Variants in LRRIQ1 observed in about 807,000 individuals in gnomAD.
The protein encoded by LRRIQ1 is leucine rich repeats and IQ motif containing 1, also known as leucine-rich repeat- and IQ domain-containing protein 1.
LRRIQ1 carries 210 observed loss-of-function variants against 211.9 expected under a neutral mutation model. The observed-to-expected ratio is 0.99, with a 90% CI of 0.89 to 1.11. The LOEUF is 1.11. Ranked by LOEUF, LRRIQ1 falls within the 50% of genes most tolerant of loss-of-function variation. LRRIQ1 has a pLI of 0.00. For missense variants in LRRIQ1, 2,136 were observed against 1,939.5 expected, an observed-to-expected ratio of 1.10 and a Z score of -1.90; for synonymous variants, 699 against 650.1, an observed-to-expected ratio of 1.08 and a Z score of -1.14.
chr12:85,109,702 G>C (rs1277349048), intron 15 of LRRIQ1, among the ~76,000 whole-genome samples: 1 of 152,078 alleles, frequency 6.6e-6, no homozygotes, highest in African/African-American at 2.4e-5. Context: ...CCTAGGAATG[G>C]TGTTCAGTAA....
In LRRIQ1 at chr12:85,089,668, G is replaced by A. The variant is rs184652875; in HGVS notation, c.2888-8687G>A. Reference sequence around the variant, plus strand: ...ATTAAAGAAACTTCTAAGCAGCAAAGGGTTCCAGACTTCGCCTGGCTGCTT... The same window carrying A: ...ATTAAAGAAACTTCTAAGCAGCAAAAGGTTCCAGACTTCGCCTGGCTGCTT... On this transcript the variant is annotated intron_variant, in intron 11 of 26. Coordinates refer to ENST00000393217, the MANE Select transcript of LRRIQ1 (RefSeq NM_001079910.2). Among the ~76,000 whole-genome samples the A allele has an allele frequency of 4.1e-3, 631 of 152,334 alleles. 6 individuals carry two copies. The highest frequency in any genetic ancestry group is 0.015 in the African/African-American group (618 of 41,576).
intron 24 of LRRIQ1, among the ~76,000 whole-genome samples, chr12:85,179,444 G>A (rs2660458): frequency 0.98 from 149,427 of 152,008 alleles, 73,452 homozygotes; most frequent in Middle Eastern, 1. Context: ...TGTAGATATT[G>A]CAAAGGATAC....
chr12:85,167,237 A>G (rs549332759), intron 24 of LRRIQ1, among the ~76,000 whole-genome samples: 5 of 152,296 alleles, frequency 3.3e-5, no homozygotes, highest in Admixed American at 3.3e-4. Context: ...TATATGCCAT[A>G]TGTATTATTA....
intron 13 of LRRIQ1, among the ~76,000 whole-genome samples, chr12:85,103,593 A>T (rs56071315): frequency 0.22 from 33,188 of 151,492 alleles, 4,310 homozygotes; most frequent in Admixed American, 0.31. Context: ...TATGTGTTTT[A>T]GGCAGGGAGA....
At position 85,137,863 on chromosome 12, in the gene LRRIQ1, G is replaced by T. The variant is rs1173969835; in HGVS notation, c.4223G>T (p.Gly1408Val). 6.3e-7 allele frequency: 1 copy of T among 1,594,762 alleles called. No individual in the cohort carries two copies. Among genetic ancestry groups the T allele is most frequent in the Non-Finnish European group, 8.5e-7 (1 of 1,172,936 alleles). ...ATTTTTGTTTAGGCAGTTTGGAAGG[G>T]CTTTATTTTGCGAAAGAAACTGACA... is the stretch of plus-strand genomic sequence containing the variant. ...AAILIQAVWK[G>V]FILRKKLTTA... The change falls in exon 19 of 27, where the codon GGC (glycine) becomes GTC (valine). Residue 1408 changes from glycine (G) to valine (V), a missense_variant. Physicochemically the swap from Gly to Val is moderately radical, Grantham distance 109 (BLOSUM62 -3). Transcript: ENST00000393217.
intron 11 of LRRIQ1, 85 bp from the exon 12 acceptor site, chr12:85,098,270 A>C (rs1886065046): frequency 1.2e-6 from 1 of 828,572 alleles, no homozygotes. Context: ...ACAAAGGTGC[A>C]ATTATTTAGA....
chr12:85,152,370 G>A lies in LRRIQ1; in HGVS notation c.4419+1G>A. 6.2e-7 allele frequency: 1 copy of A among 1,608,658 alleles called. No homozygotes were observed. The highest frequency in any genetic ancestry group is 8.5e-7 in the Non-Finnish European group (1 of 1,176,764). Reference sequence around the variant, plus strand: ...TTCAAACCAGCTGCATTGGCCAAAGGTAACATGTCATGGAAACTTCTGAGT... The same window carrying A: ...TTCAAACCAGCTGCATTGGCCAAAGATAACATGTCATGGAAACTTCTGAGT... On this transcript the variant is annotated splice_donor_variant, in intron 20 of 26. Transcript: ENST00000393217. LOFTEE classifies it high-confidence loss of function.
At chr12:85,136,353 G>A (rs1352167986) in intron 18 of LRRIQ1, among the ~76,000 whole-genome samples, 2 of 151,980 alleles carry the variant, frequency 1.3e-5, no homozygotes, top group African/African-American at 2.4e-5. Context: ...AAAAGGGAAC[G>A]CTTCAGGTAT....
At chr12:85,051,946 A>G (rs763372852) in intron 6 of LRRIQ1, among the ~76,000 whole-genome samples, 74 of 152,280 alleles carry the variant, frequency 4.9e-4, no homozygotes, top group Middle Eastern at 3.4e-3. Context: ...AATAAATACA[A>G]CTTTCCTAGG....
At chr12:85,121,983 C>A in intron 16 of LRRIQ1, 107 bp downstream of exon 16, 1 of 961,498 alleles carries the variant, frequency 1.0e-6, no homozygotes, top group Non-Finnish European at 1.4e-6. Flanking sequence ...TGGATTAGAA[C>A]AGTGTGTTTT....
At chr12:85,164,980 A>C (rs1296321074) in intron 24 of LRRIQ1, among the ~76,000 whole-genome samples, 1 of 152,178 alleles carries the variant, frequency 6.6e-6, no homozygotes, top group Non-Finnish European at 1.5e-5. Context: ...GCATTAATAT[A>C]ATTTAGGATA....
At chr12:85,231,664 G>T (rs1593003423) in intron 25 of LRRIQ1, among the ~76,000 whole-genome samples, 1 of 152,080 alleles carries the variant, frequency 6.6e-6, no homozygotes. Flanking sequence ...ACATGAAGGG[G>T]CAAAACCCAA....
chr12:85,040,200 A>AT (rs1183918487), intron 2 of LRRIQ1, among the ~76,000 whole-genome samples: 15 of 151,636 alleles, frequency 9.9e-5, no homozygotes, highest in Middle Eastern at 3.2e-3. Context: ...ATATACAACT[A>AT]TTGAGGGCAT....
At chr12:85,116,233 C>G (rs1328225401) in intron 15 of LRRIQ1, among the ~76,000 whole-genome samples, 4 of 152,186 alleles carry the variant, frequency 2.6e-5, no homozygotes, top group Non-Finnish European at 5.9e-5. Flanking sequence ...AGCTCCGCCT[C>G]CCGGGTTCAT....
At chr12:85,079,513 C>T (rs1884043399) in intron 11 of LRRIQ1, among the ~76,000 whole-genome samples, 1 of 151,920 alleles carries the variant, frequency 6.6e-6, no homozygotes, top group South Asian at 2.1e-4. Context: ...GTAAGAGCTG[C>T]CACCATGCCC....
chr12:85,240,322 G>C (rs1165826788), intron 26 of LRRIQ1, among the ~76,000 whole-genome samples: 1 of 152,134 alleles, frequency 6.6e-6, no homozygotes, highest in East Asian at 1.9e-4. Flanking sequence ...ATGTTGACAA[G>C]TATGCAGAGC....
chr12:85,091,062 TG>T (rs1031418837), intron 11 of LRRIQ1, among the ~76,000 whole-genome samples: 15 of 152,150 alleles, frequency 9.9e-5, no homozygotes, highest in African/African-American at 3.6e-4. Context: ...GTGTGGCATC[TG>T]CCCCCTCTCT....
intron 7 of LRRIQ1, among the ~76,000 whole-genome samples, chr12:85,053,853 G>C (rs952642008): frequency 6.6e-6 from 1 of 151,968 alleles, no homozygotes; most frequent in Non-Finnish European, 1.5e-5. Flanking sequence ...GACTACAGGC[G>C]CCCGCCACTG....
chr12:85,225,514 T>C (rs1176406545), intron 24 of LRRIQ1, among the ~76,000 whole-genome samples: 2 of 152,180 alleles, frequency 1.3e-5, no homozygotes, highest in Non-Finnish European at 2.9e-5. Context: ...ATTTTTATAA[T>C]AAAAGGTCAA....
Sources: allele counts gnomAD v4.1 joint callset (sites outside exome capture counted in the v4.1 genomes callset), GRCh38; gene constraint gnomAD v4.1.1; transcripts MANE v1.5; gene names NCBI Gene and HGNC (gene_info 2026-07-23, HGNC 2026-07-21).